The following MINDY4B variants were observed in gnomAD, a reference collection of about 807,000 sequenced individuals.
The protein encoded by MINDY4B is MINDY family member 4B.
MINDY4B carries 25 observed loss-of-function variants against 16.7 expected under a neutral mutation model. That is an observed-to-expected ratio of 1.49 (90% CI 1.09 to 2.09). MINDY4B has a LOEUF of 2.09. Ranked by LOEUF, MINDY4B falls within the 30% of genes most tolerant of loss-of-function variation. The pLI, the probability that MINDY4B is intolerant of heterozygous loss-of-function variation, is 0.00. For missense variants in MINDY4B, 327 were observed against 168.4 expected (o/e 1.94, Z -5.21); for synonymous variants, 132 against 61.9 (o/e 2.13, Z -5.32).
intron 3 of MINDY4B, among the ~76,000 whole-genome samples, chr3:150,898,510 C>T (rs1712033787): frequency 6.6e-6 from 1 of 152,146 alleles, no homozygotes; most frequent in South Asian, 2.1e-4. Flanking sequence ...ACCCAACTTA[C>T]TTGTGTAACA....
At chr3:150,900,098 C>A (rs1322773394) in intron 3 of MINDY4B, among the ~76,000 whole-genome samples, 2 of 152,160 alleles carry the variant, frequency 1.3e-5, no homozygotes, top group Non-Finnish European at 2.9e-5. Context: ...GGTGGAATAG[C>A]CTGGAGGCGA....
rs151186080 is a variant in MINDY4B at position 150,884,171 on chromosome 3, C to A, written c.825-399G>T. Among the ~76,000 whole-genome samples the A allele has an allele frequency of 7.5e-3, 1,140 of 152,302 alleles. 6 individuals carry two copies. Among genetic ancestry groups the A allele is most frequent in the Non-Finnish European group, 0.012 (821 of 68,022 alleles). On this transcript the variant is annotated intron_variant, in intron 8 of 11. Transcript: ENST00000465419. ...CAACAGATTGTCCAAATGGAAAACA[C>A]GGTTGTGGCCATTTCTTGGCTGAGC...
chr3:150,887,099 G>A (rs933133917), intron 7 of MINDY4B, among the ~76,000 whole-genome samples: 47 of 152,104 alleles, frequency 3.1e-4, no homozygotes, highest in African/African-American at 1.1e-3. Flanking sequence ...TATACCAGGA[G>A]CACTATTCTT....
intron 4 of MINDY4B, among the ~76,000 whole-genome samples, 184 bp from the exon 5 acceptor site, chr3:150,893,599 C>T (rs1212203961): frequency 6.6e-6 from 1 of 151,430 alleles, no homozygotes; most frequent in East Asian, 1.9e-4. Flanking sequence ...TCTGCAATGC[C>T]TAGCATCTTT....
rs565278225 is a variant in MINDY4B at position 150,891,896 on chromosome 3, G to T, written c.522-793C>A. Among the ~76,000 whole-genome samples the T allele has an allele frequency of 7.2e-5, 11 of 152,096 alleles. No individual in the cohort carries two copies. In the South Asian group the frequency reaches 1.0e-3, roughly 14 times the overall value. On this transcript the variant is annotated intron_variant, in intron 5 of 11. Transcript: ENST00000465419. ...CCTTGTGACTGGGGGGCTCAGGAAG[G>T]CTTCGTGCAGTGTGTCTACAGACGT...
rs1711786854 is a variant in MINDY4B, at chr3:150,891,005, C to T, written c.620G>A (p.Cys207Tyr). 1.4e-6 allele frequency: 1 copy of T among 702,758 alleles called. No individual in the cohort carries two copies. The highest frequency in any genetic ancestry group is 1.7e-5 in the African/African-American group (1 of 57,262). The allele number at this position is 702,758 out of a possible 1,614,324, so 43.5% of individuals were successfully genotyped here. A position where few individuals can be genotyped will look rare whatever the true frequency, so the allele number is the denominator to read the frequency against. ...AACGTAAATGTCCTCAGTGACAAGA[C>T]AGATGGTGGCCTTCTGAGCTGCTCC... ...AAGAAQKATICLVTEDIYVAS... is the reference protein window; with the variant it reads ...AAGAAQKATIYLVTEDIYVAS... The change falls in exon 6 of 12, where the codon TGT becomes TAT. Residue 207 changes from cysteine (C) to tyrosine (Y), a missense_variant. By Grantham distance (194) the Cys-to-Tyr change is radical. Coordinates refer to ENST00000465419, the MANE Select transcript of MINDY4B (RefSeq NM_001351281.2).
At chr3:150,894,473 G>C (rs1183712698) in intron 3 of MINDY4B, among the ~76,000 whole-genome samples, 168 bp from the exon 4 acceptor site, 1 of 152,200 alleles carries the variant, frequency 6.6e-6, no homozygotes, top group Non-Finnish European at 1.5e-5. Context: ...CTGAGCAGAA[G>C]ATGTCTAGAC....
chr3:150,872,966 T>C (rs1194876993), intron 11 of MINDY4B, among the ~76,000 whole-genome samples: 1 of 152,232 alleles, frequency 6.6e-6, no homozygotes, highest in African/African-American at 2.4e-5. Flanking sequence ...TTCTCTGCTA[T>C]TTCTAACCCC....
rs575121194 is a variant in MINDY4B, at chr3:150,894,063, T to A, written c.429+123A>T. ...TATCATTTAAGGTTAAACTTTACAT[T>A]ATAAATATATTTCTACACATGATTA... On this transcript the variant is annotated intron_variant, in intron 4 of 11. Coordinates refer to ENST00000465419, the MANE Select transcript of MINDY4B (RefSeq NM_001351281.2). 62 of 518,126 alleles carry A rather than the reference T, an allele frequency of 1.2e-4. 1 individual carries two copies. The South Asian group carries it at 1.9e-3, about 16-fold the overall frequency. 32.1% of individuals were successfully genotyped at this position (518,126 alleles called of 1,614,324 possible).
intron 11 of MINDY4B, among the ~76,000 whole-genome samples, chr3:150,871,578 G>A (rs1716972845): frequency 6.6e-6 from 1 of 152,088 alleles, no homozygotes; most frequent in African/African-American, 2.4e-5. Flanking sequence ...GCCAGGCATG[G>A]TGGCTCACGC....
At chr3:150,896,916 G>A (rs573162963) in intron 3 of MINDY4B, among the ~76,000 whole-genome samples, 11 of 152,276 alleles carry the variant, frequency 7.2e-5, no homozygotes, top group South Asian at 6.2e-4. Context: ...TGCCACACAT[G>A]ATAAAAATAT....
intron 10 of MINDY4B, among the ~76,000 whole-genome samples, chr3:150,881,806 C>G (rs1341794946): frequency 6.6e-6 from 1 of 152,160 alleles, no homozygotes; most frequent in African/African-American, 2.4e-5. Context: ...ACTTGTAAAG[C>G]ACACTTGTAC....
At chr3:150,895,703 G>T (rs1041239676) in intron 3 of MINDY4B, among the ~76,000 whole-genome samples, 1 of 152,182 alleles carries the variant, frequency 6.6e-6, no homozygotes, top group South Asian at 2.1e-4. Context: ...GACCTCAGGT[G>T]ATCTGCCGGT....
chr3:150,896,762 C>G (rs1711980110), intron 3 of MINDY4B, among the ~76,000 whole-genome samples: 1 of 152,150 alleles, frequency 6.6e-6, no homozygotes, highest in African/African-American at 2.4e-5. Context: ...TGGATACCAG[C>G]ACCTGTTCTG....
intron 7 of MINDY4B, among the ~76,000 whole-genome samples, chr3:150,885,856 G>C (rs183056586): frequency 7.2e-5 from 11 of 152,050 alleles, no homozygotes; most frequent in African/African-American, 2.2e-4. Context: ...TGTAGAACTC[G>C]CTTTGGAGTT....
At chr3:150,884,415 A>T (rs1711574601) in intron 8 of MINDY4B, among the ~76,000 whole-genome samples, 1 of 152,230 alleles carries the variant, frequency 6.6e-6, no homozygotes, top group Non-Finnish European at 1.5e-5. Context: ...TGGGTCAAGC[A>T]TGGTGAGTAC....
intron 9 of MINDY4B, 101 bp downstream of exon 9, chr3:150,883,599 C>T (rs1045440753): frequency 1.5e-6 from 1 of 653,030 alleles, no homozygotes; most frequent in Non-Finnish European, 2.8e-6. Flanking sequence ...AGAAAACAAT[C>T]CAAAATTCAG....
rs531509050 is a variant in MINDY4B, at chr3:150,877,314, T to C, written c.1060-3947A>G. Among the ~76,000 whole-genome samples, 16 of 152,242 alleles carry C rather than the reference T, an allele frequency of 1.1e-4. No homozygotes were observed. In the South Asian group the frequency reaches 3.3e-3, roughly 32 times the overall value. On this transcript the variant is annotated intron_variant, in intron 10 of 11. Coordinates refer to ENST00000465419, the MANE Select transcript of MINDY4B (RefSeq NM_001351281.2). ...ACCTTCAGATTTGTTGCACCTACCA[T>C]AGGCAGGAGCTACTAAATATCCACA...
At chr3:150,873,410 C>T (rs540193897) in intron 10 of MINDY4B, 43 bp from the exon 11 acceptor site, 3 of 689,192 alleles carry the variant, frequency 4.4e-6, no homozygotes, top group Non-Finnish European at 7.9e-6. Context: ...ATAGATTTTG[C>T]CACATTGTGA....
Sources: gnomAD v4.1 joint callset for allele counts (sites outside exome capture counted in the v4.1 genomes callset) on GRCh38, gnomAD v4.1.1 for gene constraint, MANE v1.5 for transcripts, NCBI Gene and HGNC (gene_info 2026-07-23, HGNC 2026-07-21) for gene names.